The following TCAIM variants were observed in gnomAD, a reference collection of about 807,000 sequenced individuals.
TCAIM encodes T cell activation inhibitor, mitochondrial.
TCAIM carries 36 observed loss-of-function variants against 58.6 expected under a neutral mutation model. That is an observed-to-expected ratio of 0.61 (90% CI 0.47 to 0.81). The LOEUF is 0.81. Ranked by LOEUF, TCAIM falls within the 30% of genes least tolerant of loss-of-function variation. The pLI is 0.00. For missense variants in TCAIM, 466 were observed against 579.6 expected, an observed-to-expected ratio of 0.80 and a Z score of 2.01; for synonymous variants, 172 against 193.6, an observed-to-expected ratio of 0.89 and a Z score of 0.93.
chr3:44,362,169 C>T (rs904419486), intron 4 of TCAIM, among the ~76,000 whole-genome samples: 14 of 152,176 alleles, frequency 9.2e-5, no homozygotes, highest in African/African-American at 3.4e-4. Flanking sequence ...TAAGGATTCA[C>T]TGAGTGCTTT....
Position 44,361,407 on chromosome 3 carries a change from G to GA in TCAIM, c.212dup (p.Asn71LysfsTer34). The GA allele has an allele frequency of 6.2e-7, 1 of 1,612,178 alleles. No homozygotes were observed. The highest frequency in any genetic ancestry group is 8.5e-7 in the Non-Finnish European group (1 of 1,179,310). On this transcript the variant is annotated frameshift_variant, in exon 4 of 11. Coordinates refer to ENST00000342649, the MANE Select transcript of TCAIM (RefSeq NM_173826.4). LOFTEE classifies it high-confidence loss of function. ...TCTTAAAAGGTTAAGTGTCTACCTA[G>GA]AAAACCTCCAGAAACCAGGCTTCAA... is the stretch of plus-strand genomic sequence containing the variant.
chr3:44,365,831 A>G (rs1443021002), intron 4 of TCAIM, among the ~76,000 whole-genome samples: 1 of 152,206 alleles, frequency 6.6e-6, no homozygotes, highest in African/African-American at 2.4e-5. Flanking sequence ...CATTTCAATC[A>G]ATTTAATTTT....
At chr3:44,399,904 G>A (rs1033002046) in intron 8 of TCAIM, among the ~76,000 whole-genome samples, 4 of 152,166 alleles carry the variant, frequency 2.6e-5, no homozygotes, top group East Asian at 1.9e-4. Flanking sequence ...CAGTGCTTAC[G>A]TATATGGTAG....
At chr3:44,394,011 C>T (rs1701882826) in intron 6 of TCAIM, among the ~76,000 whole-genome samples, 2 of 152,204 alleles carry the variant, frequency 1.3e-5, no homozygotes, top group South Asian at 2.1e-4. Flanking sequence ...CTTCCCATCA[C>T]TAGAACTAGG....
intron 5 of TCAIM, among the ~76,000 whole-genome samples, chr3:44,380,508 G>A (rs540154431): frequency 3.9e-5 from 6 of 151,972 alleles, no homozygotes; most frequent in Non-Finnish European, 5.9e-5. Context: ...ATGCTAAGGG[G>A]GAAATTTATA....
intron 5 of TCAIM, among the ~76,000 whole-genome samples, chr3:44,383,800 C>G (rs1701690949): frequency 8.8e-6 from 1 of 113,104 alleles, no homozygotes; most frequent in South Asian, 3.4e-4. Flanking sequence ...TGGCAAGACC[C>G]TGTCTCTACA....
chr3:44,343,690 A>C (rs1413985402), intron 1 of TCAIM, among the ~76,000 whole-genome samples: 3 of 152,218 alleles, frequency 2.0e-5, no homozygotes, highest in African/African-American at 7.2e-5. Flanking sequence ...ACTCTACTGA[A>C]ATGTAAACCT....
In TCAIM at chr3:44,347,168, A is replaced by G. The variant is rs141550467; in HGVS notation, c.-44-7571A>G. 3.4e-4 allele frequency among the ~76,000 whole-genome samples: 52 copies of G among 152,266 alleles called. No homozygotes were observed. The East Asian group carries it at 8.5e-3, about 25-fold the overall frequency. On this transcript the variant is annotated intron_variant, in intron 1 of 10. Transcript: ENST00000342649. ...TGTTTTTATGAAGAATTATGCCGAG[A>G]TAGGTAACAGATGAGGAAGAAATTT...
Position 44,361,847 on chromosome 3 carries a change from A to G in TCAIM, c.319+329A>G, listed in dbSNP as rs1282980887. 6.6e-5 allele frequency among the ~76,000 whole-genome samples: 10 copies of G among 152,206 alleles called. No individual in the cohort carries two copies. In the East Asian group the frequency reaches 1.9e-3, roughly 29 times the overall value. ...TGCATTCTCTTATTTAGTCCTCTGA[A>G]TACTCTGAGGCTGGTAGTACTTACC... On this transcript the variant is annotated intron_variant, in intron 4 of 10. Transcript: ENST00000342649.
Position 44,367,685 on chromosome 3 carries a change from C to G in TCAIM, c.549C>G (p.Val183=), listed in dbSNP as rs201483645. The change falls in exon 5 of 11, where the codon GTC becomes GTG. Residue 183 remains valine, a synonymous_variant. Coordinates refer to ENST00000342649, the MANE Select transcript of TCAIM (RefSeq NM_173826.4). ...ACCCTGATGAAGACCTTGAACAAGT[C>G]TCGAGAGTGGAAACAACTCTCACGT... ...FKDPDEDLEQ[V]SRVETTLTSW... is the part of the protein sequence containing the mutation. 6.2e-7 allele frequency: 1 copy of G among 1,612,016 alleles called. No individual in the cohort carries two copies. The highest frequency in any genetic ancestry group is 2.2e-5 in the East Asian group (1 of 44,826).
chr3:44,401,254 A>G lies in TCAIM; in HGVS notation c.1170A>G (p.Thr390=). 3 of 1,613,922 alleles carry G rather than the reference A, an allele frequency of 1.9e-6. No homozygotes were observed. Among genetic ancestry groups the G allele is most frequent in the Non-Finnish European group, 2.5e-6 (3 of 1,179,968 alleles). The change falls in exon 10 of 11, where the codon ACA becomes ACG. Residue 390 remains threonine, a synonymous_variant. Coordinates refer to ENST00000342649, the MANE Select transcript of TCAIM (RefSeq NM_173826.4). ...LHELGHFNIP[T]LCDPANLQWF... ...AACTCGGGCATTTTAATATTCCAAC[A>G]CTCTGTGATCCAGCAAATCTCCAGT...
At chr3:44,370,908 A>AT (rs56982688) in intron 5 of TCAIM, among the ~76,000 whole-genome samples, 62,265 of 123,252 alleles carry the variant, frequency 0.51, 16,231 homozygotes, top group East Asian at 0.8. Flanking sequence ...TACCTGGCTA[A>AT]TTTTTTTTTT....
intron 5 of TCAIM, among the ~76,000 whole-genome samples, chr3:44,369,493 G>A (rs1488849893): frequency 1.3e-5 from 2 of 152,272 alleles, no homozygotes; most frequent in African/African-American, 4.8e-5. Context: ...ATTTGGAGCT[G>A]GATGTGCAGC....
chr3:44,403,437 T>C (rs901311332), intron 10 of TCAIM, among the ~76,000 whole-genome samples: 1 of 152,234 alleles, frequency 6.6e-6, no homozygotes, highest in Non-Finnish European at 1.5e-5. Flanking sequence ...CCAGATCCTA[T>C]CACACCCTAC....
intron 5 of TCAIM, among the ~76,000 whole-genome samples, chr3:44,377,830 A>G (rs968747053): frequency 1.3e-5 from 2 of 152,226 alleles, no homozygotes; most frequent in African/African-American, 4.8e-5. Flanking sequence ...AAAATTAAAA[A>G]TAAAAAGAAA....
At chr3:44,390,302 C>A (rs374495126) in intron 5 of TCAIM, among the ~76,000 whole-genome samples, 1 of 152,116 alleles carries the variant, frequency 6.6e-6, no homozygotes, top group Non-Finnish European at 1.5e-5. Context: ...ACCTAGCACT[C>A]GCTTCAGCAG....
intron 1 of TCAIM, chr3:44,339,879 C>T (rs930450301): frequency 1.3e-5 from 2 of 152,256 alleles, no homozygotes; most frequent in African/African-American, 4.8e-5. Flanking sequence ...TTAGAATTGT[C>T]TTAATAATTT....
In TCAIM at chr3:44,396,726, T is replaced by G; in HGVS notation, c.794-17T>G. 1 of 1,611,214 alleles carries G rather than the reference T, an allele frequency of 6.2e-7. No individual in the cohort carries two copies. Among genetic ancestry groups the G allele is most frequent in the Non-Finnish European group, 8.5e-7 (1 of 1,178,486 alleles). ...AGCACCTCGACCATGACCAAAGGTT[T>G]TGTGTTTTGTCATCAGGGTGTACAA... On this transcript the variant is annotated splice_polypyrimidine_tract_variant and intron_variant, in intron 7 of 10. Coordinates refer to ENST00000342649, the MANE Select transcript of TCAIM (RefSeq NM_173826.4).
intron 5 of TCAIM, among the ~76,000 whole-genome samples, chr3:44,389,165 C>T (rs1701792484): frequency 6.6e-6 from 1 of 152,168 alleles, no homozygotes; most frequent in African/African-American, 2.4e-5. Context: ...TGGTGCCCAC[C>T]TGTAGTCCCA....
Sources: gnomAD v4.1 joint callset for allele counts (sites outside exome capture counted in the v4.1 genomes callset) on GRCh38, gnomAD v4.1.1 for gene constraint, MANE v1.5 for transcripts, NCBI Gene and HGNC (gene_info 2026-07-23, HGNC 2026-07-21) for gene names.